MRTFB: variants seen among roughly 807,000 people sequenced by gnomAD.
MRTFB encodes the protein myocardin-related transcription factor B.
Under a neutral mutation model 104.2 loss-of-function variants are expected in MRTFB, and 29 were observed. The ratio of observed to expected loss-of-function variants is 0.28; its 90% CI spans 0.21 to 0.38. The LOEUF (loss-of-function observed/expected upper bound fraction) is 0.38, where lower values mean the gene tolerates loss of function less well. Ranked by LOEUF, MRTFB falls within the 10% of genes least tolerant of loss-of-function variation. The probability of loss-of-function intolerance (pLI) is 1.00; values close to 1 mark genes in which losing one functional copy is unlikely to be tolerated. For synonymous variants in MRTFB, 535 were observed against 519.5 expected, an observed-to-expected ratio of 1.03 and a Z score of -0.41; for missense variants, 1,270 against 1,341.6, an observed-to-expected ratio of 0.95 and a Z score of 0.83.
intron 3 of MRTFB, among the ~76,000 whole-genome samples, chr16:14,146,748 A>G (rs2038339112): frequency 6.6e-6 from 1 of 152,178 alleles, no homozygotes. Context: ...TTAACCTGCT[A>G]GGCTTACTGT....
chr16:14,230,973 G>A (rs903015798), intron 8 of MRTFB, among the ~76,000 whole-genome samples: 3 of 151,702 alleles, frequency 2.0e-5, no homozygotes, highest in African/African-American at 7.3e-5. Flanking sequence ...ATGAGTTCAT[G>A]TCCTTTGTAG....
the MRTFB span, among the ~76,000 whole-genome samples, chr16:14,006,377 G>A: frequency 6.6e-6 from 1 of 151,828 alleles, no homozygotes; most frequent in African/African-American, 2.4e-5. Context: ...TTAGCTGGTT[G>A]TGGTAGCACG....
At position 14,249,078 on chromosome 16, in the gene MRTFB, A is replaced by G. The variant is rs1262039206; in HGVS notation, c.2400A>G (p.Arg800=). The G allele has an allele frequency of 6.2e-7, 1 of 1,613,332 alleles. No homozygotes were observed. The highest frequency in any genetic ancestry group is 1.7e-5 in the Admixed American group (1 of 59,774). ...QHVLSQPQQV[R]KVFTNSASSN... Reference sequence around the variant, plus strand: ...TGCTCAGTCAGCCTCAACAAGTCAGAAAGGTTTGTAAATGCCAAGGAGCAA... The same window carrying G: ...TGCTCAGTCAGCCTCAACAAGTCAGGAAGGTTTGTAAATGCCAAGGAGCAA... Residue 800 remains arginine (R), a synonymous_variant, in exon 13 of 17, where the codon AGA becomes AGG. Transcript: ENST00000571589.
At chr16:14,110,374 G>A (rs1259943047) in intron 2 of MRTFB, among the ~76,000 whole-genome samples, 4 of 152,336 alleles carry the variant, frequency 2.6e-5, no homozygotes, top group Non-Finnish European at 5.9e-5. Context: ...TATAAGAGGC[G>A]GTGGAGTAGT....
chr16:14,162,016 A>T (rs1004376697), intron 3 of MRTFB, among the ~76,000 whole-genome samples: 7 of 152,088 alleles, frequency 4.6e-5, no homozygotes, highest in Non-Finnish European at 8.8e-5. Context: ...GTATATGTTC[A>T]TCAAAAGATG....
intron 2 of MRTFB, among the ~76,000 whole-genome samples, chr16:14,136,939 A>G (rs1323251033): frequency 6.6e-6 from 1 of 152,198 alleles, no homozygotes; most frequent in Non-Finnish European, 1.5e-5. Context: ...TGGGATTTGT[A>G]AGATAGTAAC....
chr16:14,140,463 C>T, intron 2 of MRTFB, 81 bp from the exon 3 acceptor site: 1 of 1,008,620 alleles, frequency 9.9e-7, no homozygotes, highest in Non-Finnish European at 1.4e-6. Context: ...GACTAGAACC[C>T]AGGATTCCCG....
At chr16:14,216,299 G>A (rs2041422935) in intron 6 of MRTFB, among the ~76,000 whole-genome samples, 2 of 152,166 alleles carry the variant, frequency 1.3e-5, no homozygotes, top group African/African-American at 4.8e-5. Flanking sequence ...ACCTTCTACT[G>A]TATAGCTTAA....
At chr16:14,146,215 G>A (rs967196509) in intron 3 of MRTFB, among the ~76,000 whole-genome samples, 1 of 152,226 alleles carries the variant, frequency 6.6e-6, no homozygotes, top group Admixed American at 6.5e-5. Flanking sequence ...CAGGCCAGCT[G>A]ATTTAGACTT....
At chr16:14,139,445 T>C (rs1206801811) in intron 2 of MRTFB, among the ~76,000 whole-genome samples, 3 of 152,180 alleles carry the variant, frequency 2.0e-5, no homozygotes, top group Admixed American at 6.5e-5. Context: ...GGAATTCTCA[T>C]ACCCTGCTGG....
At chr16:14,180,509 T>G (rs13332102) in intron 3 of MRTFB, among the ~76,000 whole-genome samples, 8,235 of 152,236 alleles carry the variant, frequency 0.054, 689 homozygotes, top group African/African-American at 0.18. Context: ...TGTTCTGTCA[T>G]TTCTTGATTA....
Position 14,114,537 on chromosome 16 carries a change from T to TGCC in MRTFB, c.-63-26006_-63-26004dup, listed in dbSNP as rs779673878. On this transcript the variant is annotated intron_variant, in intron 2 of 16. Transcript: ENST00000571589. ...TTCTTCTGGGTAAAAGCTCGTTTCC[T>TGCC]GCCTGCACTTGAGGCTGCGTTCCAC... Among the ~76,000 whole-genome samples, 104 of 152,238 alleles carry TGCC rather than the reference T, an allele frequency of 6.8e-4. 2 individuals are homozygous for TGCC. Among genetic ancestry groups the TGCC allele is most frequent in the Non-Finnish European group, 1.4e-3 (98 of 68,030 alleles).
At chr16:14,043,304 C>A in the MRTFB span, among the ~76,000 whole-genome samples, 21 of 152,274 alleles carry the variant, frequency 1.4e-4, no homozygotes, top group South Asian at 2.9e-3. Context: ...AAGCATCATG[C>A]ATACATGTTA....
chr16:14,033,043 A>G, the MRTFB span, among the ~76,000 whole-genome samples: 3,725 of 152,060 alleles, frequency 0.024, 178 homozygotes, highest in African/African-American at 0.086. Context: ...GTCTGCAAAA[A>G]TCAGAGAAGG....
At chr16:14,228,606 A>T (rs541730912) in intron 8 of MRTFB, among the ~76,000 whole-genome samples, 63 of 152,196 alleles carry the variant, frequency 4.1e-4, no homozygotes, top group African/African-American at 1.3e-3. Context: ...CAGAAGTTAG[A>T]TCAGATATTT....
chr16:14,072,148 C>T (rs945118502), intron 1 of MRTFB, among the ~76,000 whole-genome samples: 1 of 152,158 alleles, frequency 6.6e-6, no homozygotes, highest in African/African-American at 2.4e-5. Flanking sequence ...TTTCAGCACG[C>T]GATTCCACTC....
intron 2 of MRTFB, among the ~76,000 whole-genome samples, chr16:14,139,265 G>A (rs1221584999): frequency 6.6e-6 from 1 of 152,142 alleles, no homozygotes; most frequent in Non-Finnish European, 1.5e-5. Flanking sequence ...TATTCGCTCA[G>A]ATACTTACCT....
chr16:14,065,384 A>G, the MRTFB span, among the ~76,000 whole-genome samples: 11 of 152,132 alleles, frequency 7.2e-5, no homozygotes, highest in African/African-American at 1.7e-4. Flanking sequence ...TCTAGGTATA[A>G]AATCTCATAT....
chr16:14,108,818 A>C (rs1011854031), intron 2 of MRTFB, among the ~76,000 whole-genome samples: 6 of 152,210 alleles, frequency 3.9e-5, no homozygotes, highest in African/African-American at 1.4e-4. Flanking sequence ...GATAGCAGCA[A>C]CTTCACCAAC....
Sources: gnomAD v4.1 joint callset for allele counts (sites outside exome capture counted in the v4.1 genomes callset) on GRCh38, gnomAD v4.1.1 for gene constraint, MANE v1.5 for transcripts, NCBI Gene and HGNC (gene_info 2026-07-23, HGNC 2026-07-21) for gene names.